Variants in CAPRIN1 observed in about 807,000 individuals in gnomAD.
CAPRIN1 encodes caprin-1.
A neutral mutation model predicts 100.9 loss-of-function variants in CAPRIN1; 29 were observed. That is an observed-to-expected ratio of 0.29 (90% CI 0.21 to 0.39). The LOEUF is 0.39. CAPRIN1 is among the 10% of genes least tolerant of loss of function. CAPRIN1 has a pLI of 1.00. For synonymous variants in CAPRIN1, 338 were observed against 307.5 expected (o/e 1.10, Z -1.04); for missense variants, 795 against 876.7 (o/e 0.91, Z 1.18).
intron 2 of CAPRIN1, among the ~76,000 whole-genome samples, chr11:34,071,130 ACCCATGTGG>A (rs1448129498): frequency 2.0e-5 from 3 of 152,124 alleles, no homozygotes; most frequent in Non-Finnish European, 2.9e-5. Context: ...TGTGGCCCTT[ACCCATGTGG>A]GTAGGAGCCA....
At chr11:34,069,425 GGT>G (rs1270623236) in intron 2 of CAPRIN1, among the ~76,000 whole-genome samples, 1 of 151,998 alleles carries the variant, frequency 6.6e-6, no homozygotes, top group African/African-American at 2.4e-5. Flanking sequence ...TGGGATTACA[GGT>G]GTGAGCCACC....
intron 14 of CAPRIN1, among the ~76,000 whole-genome samples, chr11:34,091,077 C>G (rs1851254268): frequency 6.6e-6 from 1 of 152,108 alleles, no homozygotes; most frequent in Admixed American, 6.5e-5. Flanking sequence ...TACCTTGATT[C>G]TTGAGCAAGC....
In CAPRIN1 at chr11:34,082,887, T is replaced by G; in HGVS notation, c.879+10T>G. 1 of 1,613,792 alleles carries G rather than the reference T, an allele frequency of 6.2e-7. No individual in the cohort carries two copies. Among genetic ancestry groups the G allele is most frequent in the South Asian group, 1.1e-5 (1 of 91,078 alleles). On this transcript the variant is annotated intron_variant, in intron 8 of 18. Transcript: ENST00000341394. ...AGTTGAATCAACAGAGGTATGATTT[T>G]AATTTAATGCTGCCTTTACTTTGCT...
At chr11:34,061,676 T>C (rs983681147) in intron 2 of CAPRIN1, among the ~76,000 whole-genome samples, 5 of 152,014 alleles carry the variant, frequency 3.3e-5, no homozygotes, top group South Asian at 2.1e-4. Context: ...GTGGTAGAAG[T>C]ATATCCTTAC....
At chr11:34,075,524 C>T (rs1850889133) in intron 4 of CAPRIN1, among the ~76,000 whole-genome samples, 1 of 152,198 alleles carries the variant, frequency 6.6e-6, no homozygotes, top group South Asian at 2.1e-4. Context: ...CCACCAGCAT[C>T]ATCTTATTCA....
chr11:34,081,793 C>T (rs773035190), intron 7 of CAPRIN1, among the ~76,000 whole-genome samples: 2 of 151,290 alleles, frequency 1.3e-5, no homozygotes, highest in African/African-American at 2.4e-5. Context: ...CCACCATGCC[C>T]GGCCTTAAGT....
At chr11:34,059,710 T>C (rs1850534489) in intron 2 of CAPRIN1, among the ~76,000 whole-genome samples, 1 of 152,146 alleles carries the variant, frequency 6.6e-6, no homozygotes, top group Non-Finnish European at 1.5e-5. Context: ...ATCTGTAGCT[T>C]CATTAACAAC....
In CAPRIN1 at chr11:34,052,570, G is replaced by C; in HGVS notation, c.150G>C (p.Gln50His). 1 of 1,610,802 alleles carries C rather than the reference G, an allele frequency of 6.2e-7. No individual in the cohort carries two copies. Among genetic ancestry groups the C allele is most frequent in the Non-Finnish European group, 8.5e-7 (1 of 1,179,098 alleles). Reference protein sequence around the residue: ...QHPATGTGAVQTEAMKQILGV... With the variant: ...QHPATGTGAVHTEAMKQILGV... ...CCGCAACCGGCACCGGCGCTGTCCA[G>C]ACCGAGGCCATGAAGCAGATTCTCG... Residue 50 changes from glutamine (Q) to histidine (H), a missense_variant, in exon 2 of 19, where the codon CAG becomes CAC. Transcript: ENST00000341394.
At position 34,097,746 on chromosome 11, in the gene CAPRIN1, C is replaced by A. The variant is rs1171575337; in HGVS notation, c.2050C>A (p.Arg684=). 1 of 1,614,062 alleles carries A rather than the reference C, an allele frequency of 6.2e-7. No individual in the cohort carries two copies. The highest frequency in any genetic ancestry group is 8.5e-7 in the Non-Finnish European group (1 of 1,179,944). ...GCGAGGCTCTGGGCAGAGTGGACCACGGGGAGCCCCACGAGGTAATATTTT... is the reference window on the plus strand; with the variant it reads ...GCGAGGCTCTGGGCAGAGTGGACCAAGGGGAGCCCCACGAGGTAATATTTT... ...FKRGSGQSGP[R]GAPRGRGGPP... Residue 684 remains arginine (R), a synonymous_variant, in exon 18 of 19, where the codon CGG becomes AGG. Coordinates refer to ENST00000341394, the MANE Select transcript of CAPRIN1 (RefSeq NM_005898.5).
At chr11:34,066,058 A>G (rs904960816) in intron 2 of CAPRIN1, among the ~76,000 whole-genome samples, 6 of 151,970 alleles carry the variant, frequency 3.9e-5, no homozygotes, top group African/African-American at 1.5e-4. Flanking sequence ...GAGGCTACTC[A>G]CTGCAGCCTC....
intron 15 of CAPRIN1, among the ~76,000 whole-genome samples, chr11:34,095,427 T>A (rs1851351811): frequency 6.6e-6 from 1 of 152,258 alleles, no homozygotes; most frequent in Non-Finnish European, 1.5e-5. Flanking sequence ...ACTAAGTAAT[T>A]CAAGAGGAGC....
chr11:34,065,263 C>T (rs1019408836), intron 2 of CAPRIN1, among the ~76,000 whole-genome samples: 8 of 152,034 alleles, frequency 5.3e-5, no homozygotes, highest in African/African-American at 7.2e-5. Flanking sequence ...CACCCGGCCC[C>T]GTATAATGGT....
Position 34,090,304 on chromosome 11 carries a change from C to A in CAPRIN1, c.1404+15C>A. 6.5e-7 allele frequency: 1 copy of A among 1,539,446 alleles called. No homozygotes were observed. Among genetic ancestry groups the A allele is most frequent in the Non-Finnish European group, 9.0e-7 (1 of 1,112,456 alleles). On this transcript the variant is annotated intron_variant, in intron 13 of 18. Transcript: ENST00000341394. ...ATCAGATTCAGGCAAGTTCTGTTAC[C>A]GGGTCACATACATTTGATGAGGCAC...
At chr11:34,075,891 A>G (rs1223338637) in intron 4 of CAPRIN1, among the ~76,000 whole-genome samples, 1 of 152,358 alleles carries the variant, frequency 6.6e-6, no homozygotes, top group South Asian at 2.1e-4. Context: ...CCCAGCTTGT[A>G]TATTTATCAT....
intron 7 of CAPRIN1, 130 bp from the exon 8 acceptor site, chr11:34,082,695 C>A: frequency 1.5e-6 from 1 of 686,508 alleles, no homozygotes; most frequent in South Asian, 1.8e-5. Context: ...TATGGGTTTA[C>A]TCTTATTGTT....
intron 12 of CAPRIN1, 96 bp from the exon 13 acceptor site, chr11:34,090,083 C>A: frequency 1.6e-6 from 1 of 612,338 alleles, no homozygotes; most frequent in Non-Finnish European, 2.9e-6. Context: ...GCAGTTGTAT[C>A]TATTTCTTAG....
rs772342415 is a variant in CAPRIN1, at chr11:34,079,712, A to G, written c.773A>G (p.Glu258Gly). 2.5e-6 allele frequency: 4 copies of G among 1,614,134 alleles called. No homozygotes were observed. The highest frequency in any genetic ancestry group is 3.4e-6 in the Non-Finnish European group (4 of 1,179,990). Residue 258 changes from glutamate (E) to glycine (G), a missense_variant, in exon 7 of 19, where the codon GAG becomes GGG. By Grantham distance (98) the Glu-to-Gly change is moderately conservative (BLOSUM62 -2). Around this residue, in one of 3 missense-constraint regions of CAPRIN1, gnomAD observed 648 missense variants for 697.9 expected, o/e 0.93. Coordinates refer to ENST00000341394, the MANE Select transcript of CAPRIN1 (RefSeq NM_005898.5). ...CACAACCACCAGAATGGGCTGTGTGAGGAAGAAGAGGCAGCCTCAGCACCT... is the reference window on the plus strand; with the variant it reads ...CACAACCACCAGAATGGGCTGTGTGGGGAAGAAGAGGCAGCCTCAGCACCT... ...STHNHQNGLC[E>G]EEEAASAPAV...
intron 4 of CAPRIN1, among the ~76,000 whole-genome samples, chr11:34,074,977 C>A (rs554767930): frequency 2.6e-5 from 4 of 152,046 alleles, no homozygotes; most frequent in African/African-American, 7.2e-5. Context: ...GCCAGGAGTT[C>A]AAGACCCAAG....
intron 4 of CAPRIN1, among the ~76,000 whole-genome samples, chr11:34,073,598 A>G (rs1850845366): frequency 6.6e-6 from 1 of 151,820 alleles, no homozygotes; most frequent in Admixed American, 6.6e-5. Context: ...TAATTTTCTA[A>G]TTTTTAGTAG....
Sources: allele counts gnomAD v4.1 joint callset (sites outside exome capture counted in the v4.1 genomes callset), GRCh38; gene constraint gnomAD v4.1.1; regional missense constraint gnomAD v4.1.1; transcripts MANE v1.5; gene names NCBI Gene and HGNC (gene_info 2026-07-23, HGNC 2026-07-21).